Variants in RBMS1 observed in about 807,000 individuals in gnomAD.
RBMS1 encodes RNA-binding motif, single-stranded-interacting protein 1.
RBMS1 carries 17 observed loss-of-function variants against 62.3 expected under a neutral mutation model. That is an observed-to-expected ratio of 0.27 (90% confidence interval 0.19 to 0.41). RBMS1 has a LOEUF of 0.41. Ranked by LOEUF, RBMS1 falls within the 10% of genes least tolerant of loss-of-function variation. RBMS1 has a pLI of 1.00. For synonymous variants in RBMS1, 172 were observed against 170.0 expected (o/e 1.01, Z -0.09); for missense variants, 334 against 504.5 (o/e 0.66, Z 3.24).
chr2:160,455,874 G>A (rs1017096808), intron 1 of RBMS1, among the ~76,000 whole-genome samples: 2 of 151,872 alleles, frequency 1.3e-5, no homozygotes, highest in Admixed American at 6.6e-5. Context: ...TAGTAGAGAC[G>A]GGGTTTCACC....
Position 160,451,158 on chromosome 2 carries a change from G to GAAAAAAA in RBMS1, c.75+42124_75+42130dup, listed in dbSNP as rs71006607. 7.7e-3 allele frequency among the ~76,000 whole-genome samples: 984 copies of GAAAAAAA among 127,862 alleles called. 6 individuals carry two copies. The highest frequency in any genetic ancestry group is 0.046 in the Middle Eastern group (10 of 216). 83.9% of individuals were successfully genotyped at this position (127,862 alleles called of 152,430 possible). ...GGTGACAGAGCAAGACCATGCTTCAGAAAAAAAAAAATAAATAAATAAAAA... is the reference window on the plus strand; with the variant it reads ...GGTGACAGAGCAAGACCATGCTTCAGAAAAAAAAAAAAAAAAAATAAATAAATAAAAA... On this transcript the variant is annotated intron_variant, in intron 1 of 13. Coordinates refer to ENST00000348849, the MANE Select transcript of RBMS1 (RefSeq NM_016836.4).
chr2:160,483,032 CCACT>C lies in RBMS1; in HGVS notation c.75+10253_75+10256del. Among the ~76,000 whole-genome samples, 2 of 151,518 alleles carry C rather than the reference CCACT, an allele frequency of 1.3e-5. 1 individual carries two copies. The highest frequency in any genetic ancestry group is 4.2e-4 in the South Asian group (2 of 4,786). On this transcript the variant is annotated intron_variant, in intron 1 of 13. Transcript: ENST00000348849. ...GGTAGAAAAGAACACCAGATATCAC[CCACT>C]GTCATTTTAAATCCTATTTGTAGGT...
In RBMS1 at chr2:160,359,228, T is replaced by G. The variant is rs143562099; in HGVS notation, c.251+7988A>C. Among the ~76,000 whole-genome samples, 292 of 152,268 alleles carry G rather than the reference T, an allele frequency of 1.9e-3. 1 individual carries two copies. The highest frequency in any genetic ancestry group is 3.3e-3 in the Non-Finnish European group (222 of 68,020). ...CTAATTTAACCCTACACGAAGAGCT[T>G]CGGGTTTCTAAGACTCAGAGGCGTT... On this transcript the variant is annotated intron_variant, in intron 2 of 13. Transcript: ENST00000348849.
intron 9 of RBMS1, 119 bp downstream of exon 9, chr2:160,284,656 G>A (rs1688269520): frequency 2.5e-6 from 2 of 803,546 alleles, no homozygotes; most frequent in Non-Finnish European, 2.1e-6. Context: ...GGGTATCCAA[G>A]CTGCATAATA....
At chr2:160,323,935 ATTTC>A (rs962480205) in intron 2 of RBMS1, among the ~76,000 whole-genome samples, 1 of 152,158 alleles carries the variant, frequency 6.6e-6, no homozygotes. Flanking sequence ...AGTTTTACTC[ATTTC>A]TTTCTTTCCA....
At chr2:160,446,456 C>T (rs1683650711) in intron 1 of RBMS1, among the ~76,000 whole-genome samples, 1 of 152,204 alleles carries the variant, frequency 6.6e-6, no homozygotes, top group Non-Finnish European at 1.5e-5. Flanking sequence ...AAGTAGGACA[C>T]CTCTTTTACT....
At chr2:160,415,843 G>A (rs1281856304) in intron 1 of RBMS1, among the ~76,000 whole-genome samples, 1 of 152,032 alleles carries the variant, frequency 6.6e-6, no homozygotes, top group Non-Finnish European at 1.5e-5. Flanking sequence ...TTCATTTAAA[G>A]AGGAGGATGC....
At chr2:160,361,810 C>T (rs1474746310) in intron 2 of RBMS1, among the ~76,000 whole-genome samples, 1 of 152,176 alleles carries the variant, frequency 6.6e-6, no homozygotes, top group African/African-American at 2.4e-5. Context: ...GCCTGGGCAA[C>T]ACAGTGAGAC....
intron 4 of RBMS1, among the ~76,000 whole-genome samples, chr2:160,306,408 C>T (rs553269280): frequency 6.6e-6 from 1 of 152,222 alleles, no homozygotes; most frequent in South Asian, 2.1e-4. Flanking sequence ...AAGAACTGGG[C>T]TCTTAACCCA....
At chr2:160,277,439 T>C in intron 11 of RBMS1, 56 bp from the exon 12 acceptor site, 1 of 1,336,484 alleles carries the variant, frequency 7.5e-7, no homozygotes, top group Non-Finnish European at 1.1e-6. Flanking sequence ...AAATTTGGAG[T>C]ACGTGGGGGG....
intron 3 of RBMS1, among the ~76,000 whole-genome samples, chr2:160,317,378 T>C (rs1383344539): frequency 2.0e-5 from 3 of 152,290 alleles, no homozygotes; most frequent in East Asian, 3.9e-4. Flanking sequence ...TTTCAATTCA[T>C]GGGGTCAGTA....
intron 1 of RBMS1, among the ~76,000 whole-genome samples, chr2:160,469,040 C>T (rs895703102): frequency 2.6e-5 from 4 of 152,160 alleles, no homozygotes; most frequent in African/African-American, 9.7e-5. Context: ...CAGGTTTCCC[C>T]TCCAAAGACA....
chr2:160,440,678 G>A (rs1271973048), intron 1 of RBMS1, among the ~76,000 whole-genome samples: 1 of 152,130 alleles, frequency 6.6e-6, no homozygotes, highest in African/African-American at 2.4e-5. Context: ...TCCTTAGTAG[G>A]TTGTTGACTC....
At chr2:160,482,658 A>G (rs1437207394) in intron 1 of RBMS1, among the ~76,000 whole-genome samples, 4 of 152,222 alleles carry the variant, frequency 2.6e-5, no homozygotes, top group African/African-American at 9.6e-5. Flanking sequence ...TAAAATTCCC[A>G]GTGCATTCAC....
chr2:160,289,760 A>T (rs1202479182), intron 6 of RBMS1, among the ~76,000 whole-genome samples: 1 of 152,110 alleles, frequency 6.6e-6, no homozygotes, highest in Non-Finnish European at 1.5e-5. Context: ...TTTGATGCAG[A>T]AACAGCTGTA....
chr2:160,401,397 C>G (rs1474795710), intron 1 of RBMS1, among the ~76,000 whole-genome samples: 2 of 152,038 alleles, frequency 1.3e-5, no homozygotes, highest in Non-Finnish European at 2.9e-5. Flanking sequence ...TATTTTAGTC[C>G]AGGATTTCAT....
chr2:160,339,001 A>G (rs1160493386), intron 2 of RBMS1, among the ~76,000 whole-genome samples: 1 of 152,228 alleles, frequency 6.6e-6, no homozygotes, highest in African/African-American at 2.4e-5. Flanking sequence ...GAGGCCAGGA[A>G]GCAAAAGCAA....
intron 1 of RBMS1, among the ~76,000 whole-genome samples, chr2:160,386,406 C>T (rs1450619493): frequency 8.5e-5 from 13 of 152,188 alleles, no homozygotes; most frequent in East Asian, 7.7e-4. Context: ...CATGGTGGCG[C>T]GTGCCTGTAA....
intron 1 of RBMS1, among the ~76,000 whole-genome samples, chr2:160,422,666 A>G (rs1197090250): frequency 6.6e-6 from 1 of 151,700 alleles, no homozygotes; most frequent in African/African-American, 2.4e-5. Flanking sequence ...TACTTAACAA[A>G]CCTAAATTCC....
Sources: gnomAD v4.1 joint callset for allele counts (sites outside exome capture counted in the v4.1 genomes callset) on GRCh38, gnomAD v4.1.1 for gene constraint, MANE v1.5 for transcripts, NCBI Gene and HGNC (gene_info 2026-07-23, HGNC 2026-07-21) for gene names.